CPED1: variants seen among roughly 807,000 people sequenced by gnomAD.
The protein encoded by CPED1 is cadherin-like and PC-esterase domain-containing protein 1.
Under a neutral mutation model 128.2 loss-of-function variants are expected in CPED1, and 114 were observed. That is an observed-to-expected ratio of 0.89 (90% CI 0.76 to 1.04). The LOEUF is 1.04. CPED1 is among the 50% of genes least tolerant of loss of function. The pLI is 0.00. For synonymous variants in CPED1, 462 were observed against 426.7 expected, an observed-to-expected ratio of 1.08 and a Z score of -1.02; for missense variants, 1,211 against 1,207.1, an observed-to-expected ratio of 1.00 and a Z score of -0.05.
chr7:121,129,916 T>C (rs1415851114), intron 11 of CPED1, among the ~76,000 whole-genome samples: 1 of 151,894 alleles, frequency 6.6e-6, no homozygotes, highest in Non-Finnish European at 1.5e-5. Flanking sequence ...CTCACCCTAT[T>C]TGGAAATATG....
intron 7 of CPED1, among the ~76,000 whole-genome samples, chr7:121,104,988 G>A (rs1490715458): frequency 6.6e-6 from 1 of 152,024 alleles, no homozygotes; most frequent in Non-Finnish European, 1.5e-5. Flanking sequence ...AGGGAAATCT[G>A]GGATACCGTA....
intron 2 of CPED1, among the ~76,000 whole-genome samples, chr7:120,997,852 G>T (rs1399834991): frequency 6.6e-6 from 1 of 151,624 alleles, no homozygotes. Context: ...AACCCAGGAG[G>T]CAGAGGTTGC....
rs541144781 is a variant in CPED1 at position 121,071,353 on chromosome 7, C to T, written c.616+7040C>T. 1.2e-3 allele frequency among the ~76,000 whole-genome samples: 186 copies of T among 152,124 alleles called. 1 individual carries two copies. Among genetic ancestry groups the T allele is most frequent in the Non-Finnish European group, 2.0e-3 (139 of 68,024 alleles). ...GGTTTCCTATACTCCTTTCCCTCAG[C>T]ACATTCCCTTAGCCCTTGGTAACTT... On this transcript the variant is annotated intron_variant, in intron 5 of 22. Transcript: ENST00000310396.
intron 16 of CPED1, among the ~76,000 whole-genome samples, chr7:121,160,600 T>A (rs1358951576): frequency 2.6e-5 from 4 of 152,112 alleles, no homozygotes; most frequent in Non-Finnish European, 4.4e-5. Flanking sequence ...GTCTGAGGAA[T>A]GGCCTTGTAC....
chr7:121,044,647 G>GATTTTTT (rs1263292548), intron 3 of CPED1, among the ~76,000 whole-genome samples: 1 of 11,912 alleles, frequency 8.4e-5, no homozygotes, highest in Non-Finnish European at 2.4e-4. Context: ...GTGACTTTCT[G>GATTTTTT]CTCTTTTTTT....
At chr7:121,224,042 T>C (rs1797947257) in intron 16 of CPED1, among the ~76,000 whole-genome samples, 3 of 152,204 alleles carry the variant, frequency 2.0e-5, no homozygotes, top group African/African-American at 4.8e-5. Flanking sequence ...TTCTTTTAAT[T>C]GTGACATTAG....
intron 3 of CPED1, among the ~76,000 whole-genome samples, chr7:121,030,605 C>G (rs1792704690): frequency 6.6e-6 from 1 of 152,102 alleles, no homozygotes; most frequent in Non-Finnish European, 1.5e-5. Flanking sequence ...CTCAAGTCAT[C>G]CTTATTTTAC....
At chr7:121,148,642 G>A (rs957690030) in intron 16 of CPED1, among the ~76,000 whole-genome samples, 8 of 152,124 alleles carry the variant, frequency 5.3e-5, no homozygotes, top group African/African-American at 1.2e-4. Context: ...GGAAGAACTT[G>A]TTGGGAATTG....
At chr7:121,259,026 A>C (rs1028570630) in intron 18 of CPED1, among the ~76,000 whole-genome samples, 5 of 152,042 alleles carry the variant, frequency 3.3e-5, no homozygotes, top group Non-Finnish European at 7.4e-5. Flanking sequence ...AGGCCTTCAA[A>C]TAGTGCTCTG....
intron 16 of CPED1, among the ~76,000 whole-genome samples, chr7:121,214,066 T>C (rs1470569230): frequency 6.6e-6 from 1 of 152,006 alleles, no homozygotes; most frequent in Non-Finnish European, 1.5e-5. Context: ...GAAGGTCAGT[T>C]ATTTTGTGGA....
chr7:121,190,391 CAAAAAAAAAA>C (rs368606501), intron 16 of CPED1, among the ~76,000 whole-genome samples: 4 of 97,392 alleles, frequency 4.1e-5, no homozygotes, highest in Admixed American at 3.5e-4. Context: ...GACTCTGTAT[CAAAAAAAAAA>C]AAAAAAAAAA....
At chr7:121,238,841 G>GCTT (rs1665029500) in intron 17 of CPED1, among the ~76,000 whole-genome samples, 1 of 151,684 alleles carries the variant, frequency 6.6e-6, no homozygotes, top group African/African-American at 2.4e-5. Context: ...TAGATTATAG[G>GCTT]CTTCTCTAGA....
At chr7:121,168,900 CA>C (rs1378357118) in intron 16 of CPED1, among the ~76,000 whole-genome samples, 1 of 152,152 alleles carries the variant, frequency 6.6e-6, no homozygotes, top group Admixed American at 6.5e-5. Context: ...TTCAGTATGG[CA>C]AACTCTGCAA....
intron 5 of CPED1, among the ~76,000 whole-genome samples, chr7:121,080,053 G>A (rs981397660): frequency 4.6e-5 from 7 of 152,200 alleles, no homozygotes; most frequent in African/African-American, 1.7e-4. Context: ...TAGATGTGTA[G>A]CAGTGTGTCT....
rs1563036930 is a variant in CPED1, at chr7:121,128,386, A to T, written c.1307A>T (p.Glu436Val). The T allele has an allele frequency of 6.4e-7, 1 of 1,565,278 alleles. No homozygotes were observed. Among genetic ancestry groups the T allele is most frequent in the Middle Eastern group, 1.7e-4 (1 of 5,962 alleles). ...TCTTTCCCCCTACCAATACAGGGTG[A>T]AAACTATCAAAAGGAACTAAATCAG... Reference protein sequence around the residue: ...RLYRSDVFKGENYQKELNQCL... With the variant: ...RLYRSDVFKGVNYQKELNQCL... Residue 436 changes from glutamate (E) to valine (V), a missense_variant, in exon 11 of 23, where the codon GAA (glutamate) becomes GTA (valine). Physicochemically the swap from Glu to Val is moderately radical, Grantham distance 121. Coordinates refer to ENST00000310396, the MANE Select transcript of CPED1 (RefSeq NM_024913.5).
chr7:121,224,955 G>C (rs1484140922), intron 16 of CPED1, among the ~76,000 whole-genome samples: 1 of 151,832 alleles, frequency 6.6e-6, no homozygotes, highest in Non-Finnish European at 1.5e-5. Context: ...TTTTAATTGG[G>C]GCATTTAGCC....
intron 16 of CPED1, among the ~76,000 whole-genome samples, chr7:121,214,992 A>G (rs189065683): frequency 7.7e-4 from 117 of 152,178 alleles, no homozygotes; most frequent in Middle Eastern, 6.8e-3. Context: ...CGTATTCCAT[A>G]TGTCACTTGG....
At chr7:121,124,950 G>A (rs1795468987) in intron 8 of CPED1, among the ~76,000 whole-genome samples, 2 of 152,098 alleles carry the variant, frequency 1.3e-5, no homozygotes, top group Admixed American at 1.3e-4. Flanking sequence ...CTAAGGAAAT[G>A]TTAAATCTCG....
chr7:121,197,753 A>G (rs1797303648), intron 16 of CPED1, among the ~76,000 whole-genome samples: 1 of 152,074 alleles, frequency 6.6e-6, no homozygotes, highest in Non-Finnish European at 1.5e-5. Flanking sequence ...GAGCCGTGGA[A>G]CTGACTTGAA....
Sources: gnomAD v4.1 joint callset for allele counts (sites outside exome capture counted in the v4.1 genomes callset) on GRCh38, gnomAD v4.1.1 for gene constraint, MANE v1.5 for transcripts, NCBI Gene and HGNC (gene_info 2026-07-23, HGNC 2026-07-21) for gene names.